CLIP3: variants seen among roughly 807,000 people sequenced by gnomAD.
CLIP3 encodes the protein CAP-Gly domain containing linker protein 3.
CLIP3 carries 15 observed loss-of-function variants against 59.4 expected under a neutral mutation model. The ratio of observed to expected loss-of-function variants is 0.25; its 90% CI spans 0.17 to 0.39. The LOEUF (loss-of-function observed/expected upper bound fraction) is 0.39. CLIP3 is among the 10% of genes least tolerant of loss of function. The pLI is 1.00. For synonymous variants in CLIP3, 300 were observed against 321.6 expected (o/e 0.93, Z 0.72); for missense variants, 495 against 765.7 (o/e 0.65, Z 4.17).
intron 7 of CLIP3, among the ~76,000 whole-genome samples, chr19:36,021,447 A>G (rs1352710565): frequency 2.7e-5 from 4 of 149,486 alleles, no homozygotes; most frequent in East Asian, 2.0e-4. Flanking sequence ...ACCATGCCTG[A>G]TTAATTTTTT....
At chr19:36,027,321 T>C in intron 2 of CLIP3, 50 bp from the exon 3 acceptor site, 6 of 1,543,682 alleles carry the variant, frequency 3.9e-6, no homozygotes, top group Non-Finnish European at 5.2e-6. Flanking sequence ...ACCCCCTCCT[T>C]CCAGCCTCAG....
Position 36,018,951 on chromosome 19 carries a change from G to T in CLIP3, c.1130C>A (p.Thr377Asn). The T allele has an allele frequency of 6.2e-7, 1 of 1,612,132 alleles. No individual in the cohort carries two copies. The change falls in exon 9 of 14, where the codon ACC becomes AAC. Residue 377 changes from threonine to asparagine, a missense_variant. Thr to Asn is a moderately conservative substitution (Grantham distance 65). Coordinates refer to ENST00000360535, the MANE Select transcript of CLIP3 (RefSeq NM_015526.3). ...GACACGGGAGAAGTCCATCCGGGGGGTCCGGGGTGTGGAGGTGACAGAGGA... is the reference window on the plus strand; with the variant it reads ...GACACGGGAGAAGTCCATCCGGGGGTTCCGGGGTGTGGAGGTGACAGAGGA... ...PPSSVTSTPRTPRMDFSRVTG... is the reference protein window; with the variant it reads ...PPSSVTSTPRNPRMDFSRVTG...
In CLIP3 at chr19:36,019,608, T is replaced by TTTA. The variant is rs1568540495; in HGVS notation, c.919-303_919-302insTAA. ...TTTATTTATTTATTTATTTTATTTA[T>TTTA]TTTTTTTTTTTTCGAGACAGCGTCT... On this transcript the variant is annotated intron_variant, in intron 7 of 13. Transcript: ENST00000360535. Among the ~76,000 whole-genome samples, 922 of 113,910 alleles carry TTTA rather than the reference T, an allele frequency of 8.1e-3. 15 individuals are homozygous for TTTA. The highest frequency in any genetic ancestry group is 0.026 in the African/African-American group (857 of 33,598). 74.7% of individuals were successfully genotyped at this position (113,910 alleles called of 152,430 possible).
chr19:36,023,566 CTT>C (rs75730971), intron 7 of CLIP3, among the ~76,000 whole-genome samples: 3 of 143,344 alleles, frequency 2.1e-5, no homozygotes, highest in Admixed American at 7.0e-5. Flanking sequence ...CAGAAATTAC[CTT>C]TTTTTTTTTT....
chr19:36,019,044 G>C lies in CLIP3; in HGVS notation c.1055-18C>G. The C allele has an allele frequency of 6.3e-7, 1 of 1,582,476 alleles. No homozygotes were observed. Among genetic ancestry groups the C allele is most frequent in the Non-Finnish European group, 8.6e-7 (1 of 1,162,408 alleles). On this transcript the variant is annotated intron_variant, in intron 8 of 13. Coordinates refer to ENST00000360535, the MANE Select transcript of CLIP3 (RefSeq NM_015526.3). ...AAAGAGACCTAGGGGTACAGAATCC[G>C]AGCCTGGTGTTGTCCAAGCCTCTGC...
chr19:36,022,585 T>C (rs1191838878), intron 7 of CLIP3, among the ~76,000 whole-genome samples: 1 of 152,202 alleles, frequency 6.6e-6, no homozygotes, highest in African/African-American at 2.4e-5. Context: ...ACCTTCCTTC[T>C]GAATTGTGCA....
At position 36,015,735 on chromosome 19, in the gene CLIP3, G is replaced by C. The variant is rs1480355843; in HGVS notation, c.*423C>G. On this transcript the variant is annotated 3_prime_UTR_variant, in exon 14 of 14. Coordinates refer to ENST00000360535, the MANE Select transcript of CLIP3 (RefSeq NM_015526.3). Reference sequence around the variant, plus strand: ...ATGTCTGTTACTCTTTTGCTTTGGGGGTGTGACCTATGTTTATTTCAAGAG... The same window carrying C: ...ATGTCTGTTACTCTTTTGCTTTGGGCGTGTGACCTATGTTTATTTCAAGAG... The C allele has an allele frequency of 4.9e-6, 1 of 203,512 alleles. No homozygotes were observed. The highest frequency in any genetic ancestry group is 1.0e-5 in the Non-Finnish European group (1 of 97,656). 12.6% of individuals were successfully genotyped at this position (203,512 alleles called of 1,614,324 possible). A position where few individuals can be genotyped will look rare whatever the true frequency, so the allele number is the denominator to read the frequency against.
Position 36,026,889 on chromosome 19 carries a change from C to T in CLIP3, c.400+63G>A, listed in dbSNP as rs1969128670. The stretch of plus-strand genomic sequence containing the variant: ...TGGGGCCTGAGTTCTGGGTGGTTTT[C>T]AGCGTGTTGGGTCTGGGGGCCTAGG... On this transcript the variant is annotated intron_variant, in intron 4 of 13. Coordinates refer to ENST00000360535, the MANE Select transcript of CLIP3 (RefSeq NM_015526.3). The surrounding 1 kb of genome is among the most constrained non-coding windows in gnomAD (Gnocchi z 6.3). 1 of 1,524,844 alleles carries T rather than the reference C, an allele frequency of 6.6e-7. No individual in the cohort carries two copies. The highest frequency in any genetic ancestry group is 2.0e-5 in the Admixed American group (1 of 49,530). 94.5% of individuals were successfully genotyped at this position (1,524,844 alleles called of 1,614,324 possible). A position where few individuals can be genotyped will look rare whatever the true frequency, so the allele number is the denominator to read the frequency against.
In CLIP3 at chr19:36,016,013, G is replaced by GTCTGTTAATAATAATCT. The variant is rs1383728472; in HGVS notation, c.*144_*145insAGATTATTATTAACAGA. The GTCTGTTAATAATAATCT allele has an allele frequency of 2.6e-5, 20 of 769,126 alleles. No individual in the cohort carries two copies. Among genetic ancestry groups the GTCTGTTAATAATAATCT allele is most frequent in the South Asian group, 9.3e-5 (6 of 64,722 alleles). The allele number at this position is 769,126 out of a possible 1,614,324, so 47.6% of individuals were successfully genotyped here. On this transcript the variant is annotated 3_prime_UTR_variant, in exon 14 of 14. Coordinates refer to ENST00000360535, the MANE Select transcript of CLIP3 (RefSeq NM_015526.3). The surrounding 1 kb of genome is among the most constrained non-coding windows in gnomAD (Gnocchi z 4.1). ...ATTATGGGAGTATCTGTTAATAATGGGGCCTCAATGATCGAGGGCTGGCTA... is the reference window on the plus strand; with the variant it reads ...ATTATGGGAGTATCTGTTAATAATGGTCTGTTAATAATAATCTGGCCTCAATGATCGAGGGCTGGCTA...
At position 36,027,220 on chromosome 19, in the gene CLIP3, T is replaced by C. The variant is rs1254087394; in HGVS notation, c.218A>G (p.Asp73Gly). Residue 73 changes from aspartate to glycine, a missense_variant, in exon 3 of 14, where the codon GAC becomes GGC. By Grantham distance (94) the Asp-to-Gly change is moderately conservative. Around this residue, in one of 5 missense-constraint regions of CLIP3, gnomAD observed 90 missense variants for 105.2 expected, o/e 0.86. Coordinates refer to ENST00000360535, the MANE Select transcript of CLIP3 (RefSeq NM_015526.3). ...NDPACQEILF[D>G]PQTTIPELFA... ...CAGCTCGGGGATGGTGGTCTGAGGG[T>C]CAAACAGGATCTCCTGGCACGCCGG... 6.2e-7 allele frequency: 1 copy of C among 1,613,128 alleles called. No individual in the cohort carries two copies. The highest frequency in any genetic ancestry group is 8.5e-7 in the Non-Finnish European group (1 of 1,179,688).
rs762544172 is a variant in CLIP3 at position 36,017,448 on chromosome 19, A to G, written c.1454T>C (p.Ile485Thr). ...CCCGGGGGAATCAGTGGATCCGCCAATCCTGAGGAGACACGGGGAGGGGGA... is the reference window on the plus strand; with the variant it reads ...CCCGGGGGAATCAGTGGATCCGCCAGTCCTGAGGAGACACGGGGAGGGGGA... ...VFAPASRIQR[I>T]GGSTDSPGDS... The change falls in exon 12 of 14, where the codon ATT (isoleucine) becomes ACT (threonine). Residue 485 changes from isoleucine (I) to threonine (T), a missense_variant and splice_region_variant. Ile to Thr is a moderately conservative substitution (Grantham distance 89). Transcript: ENST00000360535. 3.7e-6 allele frequency: 6 copies of G among 1,613,930 alleles called. No individual in the cohort carries two copies. The highest frequency in any genetic ancestry group is 1.7e-5 in the Admixed American group (1 of 59,984).
At chr19:36,031,008 C>CTTTTTTTTTTTTTTTTTTTTTTT (rs374690845) in intron 2 of CLIP3, among the ~76,000 whole-genome samples, 64 of 77,848 alleles carry the variant, frequency 8.2e-4, no homozygotes, top group East Asian at 1.0e-3. Context: ...TTTTTCTTTT[C>CTTTTTTTTTTTTTTTTTTTTTTT]TTTTTTTTTT....
chr19:36,015,911 T>G lies in CLIP3; in HGVS notation c.*247A>C. ...TAATCTGGGAATCTGCTCTGAGGGG[T>G]TGGGGATAGGGACTAGCCTGAAGGT... is the stretch of plus-strand genomic sequence containing the variant. On this transcript the variant is annotated 3_prime_UTR_variant, in exon 14 of 14. Coordinates refer to ENST00000360535, the MANE Select transcript of CLIP3 (RefSeq NM_015526.3). The G allele has an allele frequency of 3.6e-6, 2 of 561,924 alleles. No individual in the cohort carries two copies. Among genetic ancestry groups the G allele is most frequent in the Non-Finnish European group, 3.2e-6 (1 of 311,908 alleles). 34.8% of individuals were successfully genotyped at this position (561,924 alleles called of 1,614,324 possible).
intron 7 of CLIP3, among the ~76,000 whole-genome samples, chr19:36,021,838 T>C (rs1380254358): frequency 6.6e-6 from 1 of 152,190 alleles, no homozygotes; most frequent in Non-Finnish European, 1.5e-5. Flanking sequence ...CTGGTCCATA[T>C]AATAGGCTAA....
At chr19:36,020,548 C>CAG (rs1968926997) in intron 7 of CLIP3, among the ~76,000 whole-genome samples, 1 of 149,372 alleles carries the variant, frequency 6.7e-6, no homozygotes. Flanking sequence ...GCAGTGAGCC[C>CAG]AGATAGCACC....
chr19:36,029,306 C>CAAAAAA (rs774000215), intron 2 of CLIP3, among the ~76,000 whole-genome samples: 4 of 120,014 alleles, frequency 3.3e-5, no homozygotes, highest in Non-Finnish European at 3.4e-5. Context: ...GAGTCCGTCT[C>CAAAAAA]AAAAAAAAAA....
At chr19:36,020,512 G>C (rs1310523636) in intron 7 of CLIP3, among the ~76,000 whole-genome samples, 1 of 151,688 alleles carries the variant, frequency 6.6e-6, no homozygotes, top group Non-Finnish European at 1.5e-5. Context: ...GCTGAGGCAG[G>C]AGAATTGCTT....
rs972539627 is a variant in CLIP3, at chr19:36,024,756, C to T, written c.682-124G>A. On this transcript the variant is annotated intron_variant, in intron 6 of 13. Transcript: ENST00000360535. ...GGTAAGACTAGGTCATATCCTGGGCCAACCTGGGAATAAGAAGGGTCAGGG... is the reference window on the plus strand; with the variant it reads ...GGTAAGACTAGGTCATATCCTGGGCTAACCTGGGAATAAGAAGGGTCAGGG... The T allele has an allele frequency of 3.4e-6, 3 of 882,186 alleles. No homozygotes were observed. The African/African-American group carries it at 5.1e-5, about 15-fold the overall frequency. 54.6% of individuals were successfully genotyped at this position (882,186 alleles called of 1,614,324 possible). A position where few individuals can be genotyped will look rare whatever the true frequency, so the allele number is the denominator to read the frequency against.
At position 36,023,930 on chromosome 19, in the gene CLIP3, G is replaced by C. The variant is rs371379929; in HGVS notation, c.918+466C>G. Among the ~76,000 whole-genome samples the C allele has an allele frequency of 8.5e-5, 13 of 152,278 alleles. No homozygotes were observed. The South Asian group carries it at 1.9e-3, about 22-fold the overall frequency. On this transcript the variant is annotated intron_variant, in intron 7 of 13. Transcript: ENST00000360535. ...GCTGTGATACCCGCTCCCCCAAGCT[G>C]AGACTCCTTTCTCCCTTTCTTTCCC...
Sources: gnomAD v4.1 joint callset for allele counts (sites outside exome capture counted in the v4.1 genomes callset) on GRCh38, gnomAD v4.1.1 for gene constraint, gnomAD v4.1.1 regional missense constraint, Gnocchi (gnomAD v3.1) non-coding constraint, MANE v1.5 for transcripts, NCBI Gene and HGNC (gene_info 2026-07-23, HGNC 2026-07-21) for gene names.